Variants in HMCN1 observed in about 807,000 individuals in gnomAD.
HMCN1 encodes hemicentin-1.
Under a neutral mutation model 625.9 loss-of-function variants are expected in HMCN1, and 321 were observed. The observed-to-expected ratio is 0.51, with a 90% CI of 0.47 to 0.56. The LOEUF is 0.56. Ranked by LOEUF, HMCN1 falls within the 20% of genes least tolerant of loss-of-function variation. The probability of loss-of-function intolerance (pLI) is 0.00; values close to 1 mark genes in which losing one functional copy is unlikely to be tolerated. For synonymous variants in HMCN1, 2,425 were observed against 2,417.6 expected, an observed-to-expected ratio of 1.00 and a Z score of -0.09; for missense variants, 6,588 against 6,887.3, an observed-to-expected ratio of 0.96 and a Z score of 1.54.
chr1:185,873,433 A>G (rs945063882), intron 4 of HMCN1, among the ~76,000 whole-genome samples: 5 of 152,074 alleles, frequency 3.3e-5, no homozygotes, highest in African/African-American at 1.2e-4. Context: ...TTAAAACTGA[A>G]ACAACTAGTT....
intron 30 of HMCN1, among the ~76,000 whole-genome samples, chr1:186,008,347 AC>A (rs1359139039): frequency 6.6e-6 from 1 of 152,154 alleles, no homozygotes; most frequent in African/African-American, 2.4e-5. Context: ...TAAACTACAC[AC>A]CAGATATCAA....
At chr1:186,087,391 A>C (rs1659563571) in intron 59 of HMCN1, 52 bp from the exon 60 acceptor site, 3 of 1,600,420 alleles carry the variant, frequency 1.9e-6, no homozygotes, top group African/African-American at 1.3e-5. Context: ...AATATTTTCT[A>C]TCTGAGCACC....
At chr1:186,001,149 A>G (rs1467948251) in intron 26 of HMCN1, 149 bp from the exon 27 acceptor site, 11 of 671,620 alleles carry the variant, frequency 1.6e-5, no homozygotes, top group Non-Finnish European at 2.7e-5. Context: ...AAAACTTTTT[A>G]ATTTTATAAC....
chr1:186,098,610 C>A (rs891108133), intron 68 of HMCN1, among the ~76,000 whole-genome samples: 1 of 151,942 alleles, frequency 6.6e-6, no homozygotes, highest in Non-Finnish European at 1.5e-5. Context: ...GTTAATATAG[C>A]CATTATGAAA....
chr1:185,972,941 G>A (rs773573582), intron 15 of HMCN1, among the ~76,000 whole-genome samples: 4 of 152,122 alleles, frequency 2.6e-5, no homozygotes, highest in Non-Finnish European at 5.9e-5. Flanking sequence ...ATATGTAAAT[G>A]CTAAGAACCA....
At chr1:185,984,621 C>T (rs935533572) in intron 19 of HMCN1, among the ~76,000 whole-genome samples, 1 of 152,152 alleles carries the variant, frequency 6.6e-6, no homozygotes, top group African/African-American at 2.4e-5. Context: ...TAATTTCAGA[C>T]AAGCTGAACT....
At chr1:186,117,878 G>A (rs1408038296) in intron 77 of HMCN1, among the ~76,000 whole-genome samples, 3 of 152,008 alleles carry the variant, frequency 2.0e-5, no homozygotes, top group Admixed American at 6.6e-5. Flanking sequence ...CATGATCACC[G>A]GTATTTATGT....
At chr1:185,914,719 A>AT (rs903339723) in intron 6 of HMCN1, among the ~76,000 whole-genome samples, 25 of 150,862 alleles carry the variant, frequency 1.7e-4, no homozygotes, top group Middle Eastern at 3.2e-3. Context: ...ACTTTGTCAG[A>AT]TTTTTTTTTC....
At chr1:185,745,211 C>T (rs532234031) in intron 1 of HMCN1, among the ~76,000 whole-genome samples, 6 of 152,230 alleles carry the variant, frequency 3.9e-5, no homozygotes, top group African/African-American at 1.2e-4. Flanking sequence ...GATAAAATGT[C>T]AACCGAAAGT....
intron 1 of HMCN1, among the ~76,000 whole-genome samples, chr1:185,822,252 T>C (rs1660234727): frequency 6.6e-6 from 1 of 152,010 alleles, no homozygotes; most frequent in African/African-American, 2.4e-5. Flanking sequence ...TTGTAACAAA[T>C]GTACCACTCT....
intron 11 of HMCN1, among the ~76,000 whole-genome samples, chr1:185,957,996 A>G (rs1353473603): frequency 1.3e-5 from 2 of 152,216 alleles, no homozygotes; most frequent in African/African-American, 4.8e-5. Context: ...TATTTTATTG[A>G]AATTTCTAGT....
At chr1:186,033,388 T>C (rs1461630698) in intron 36 of HMCN1, among the ~76,000 whole-genome samples, 1 of 152,148 alleles carries the variant, frequency 6.6e-6, no homozygotes, top group Non-Finnish European at 1.5e-5. Context: ...AAATCACCAC[T>C]GAAGAACTTA....
chr1:186,163,054 C>T (rs996342170), intron 97 of HMCN1, among the ~76,000 whole-genome samples: 3 of 152,228 alleles, frequency 2.0e-5, no homozygotes, highest in Admixed American at 6.5e-5. Context: ...CTGTGGTGGG[C>T]TCCACCCAGT....
At chr1:186,122,353 G>A (rs1403439667) in intron 80 of HMCN1, among the ~76,000 whole-genome samples, 7 of 152,078 alleles carry the variant, frequency 4.6e-5, no homozygotes, top group Non-Finnish European at 7.4e-5. Context: ...ATACCTAAGT[G>A]GTGATCAGCC....
rs796889795 is a variant in HMCN1 at position 185,902,403 on chromosome 1, A to C, written c.622-6934A>C. Reference sequence around the variant, plus strand: ...TCTCTATCTATCTATCTATCTATCTATCTCTATCTATCTATCTATCTATCT... The same window carrying C: ...TCTCTATCTATCTATCTATCTATCTCTCTCTATCTATCTATCTATCTATCT... On this transcript the variant is annotated intron_variant, in intron 4 of 106. Coordinates refer to ENST00000271588, the MANE Select transcript of HMCN1 (RefSeq NM_031935.3). 6.1e-3 allele frequency among the ~76,000 whole-genome samples: 755 copies of C among 124,370 alleles called. 4 individuals carry two copies. Among genetic ancestry groups the C allele is most frequent in the African/African-American group, 0.02 (610 of 29,808 alleles). The allele number at this position is 124,370 out of a possible 152,430, so 81.6% of individuals were successfully genotyped here. A position where few individuals can be genotyped will look rare whatever the true frequency, so the allele number is the denominator to read the frequency against.
intron 50 of HMCN1, 67 bp downstream of exon 50, chr1:186,068,074 A>T: frequency 7.2e-7 from 1 of 1,389,570 alleles, no homozygotes; most frequent in Admixed American, 1.7e-5. Context: ...AAGCAGAATC[A>T]TTGGTTACTT....
intron 1 of HMCN1, among the ~76,000 whole-genome samples, chr1:185,841,115 G>A (rs968957444): frequency 5.9e-5 from 9 of 152,034 alleles, no homozygotes; most frequent in Non-Finnish European, 8.8e-5. Flanking sequence ...GTACAACCCA[G>A]CAAGTCAGAT....
At chr1:186,110,977 C>CTTTTTTTTTTTTTTGTTT (rs1660849632) in intron 71 of HMCN1, among the ~76,000 whole-genome samples, 1 of 61,648 alleles carries the variant, frequency 1.6e-5, no homozygotes, top group Non-Finnish European at 2.7e-5. Context: ...AGAGAAAATT[C>CTTTTTTTTTTTTTTGTTT]TTTTTTTTTT....
At chr1:185,998,485 G>A (rs1652955734) in intron 25 of HMCN1, among the ~76,000 whole-genome samples, 2 of 152,096 alleles carry the variant, frequency 1.3e-5, no homozygotes, top group African/African-American at 4.8e-5. Flanking sequence ...AAGAGTCACT[G>A]AGAATTAGGG....
Sources: allele counts gnomAD v4.1 joint callset (sites outside exome capture counted in the v4.1 genomes callset), GRCh38; gene constraint gnomAD v4.1.1; transcripts MANE v1.5; gene names NCBI Gene and HGNC (gene_info 2026-07-23, HGNC 2026-07-21).